The following CFAP54 variants were observed in gnomAD, a reference collection of about 807,000 sequenced individuals.
The protein encoded by CFAP54 is cilia and flagella associated protein 54.
In CFAP54, 290 loss-of-function variants were observed where a neutral mutation model predicts 370.4. The ratio of observed to expected loss-of-function variants is 0.78; its 90% confidence interval spans 0.71 to 0.86. The LOEUF is 0.86. CFAP54 is among the 40% of genes least tolerant of loss of function. CFAP54 has a pLI of 0.00. For synonymous variants in CFAP54, 1,206 were observed against 1,236.5 expected (o/e 0.98, Z 0.52); for missense variants, 3,399 against 3,528.7 (o/e 0.96, Z 0.93).
chr12:96,499,023 G>C (rs1357355835), intron 1 of CFAP54, among the ~76,000 whole-genome samples: 2 of 151,864 alleles, frequency 1.3e-5, no homozygotes, highest in African/African-American at 4.8e-5. Flanking sequence ...CTTTTGCCCA[G>C]GCTGGAGTGC....
intron 50 of CFAP54, among the ~76,000 whole-genome samples, chr12:96,724,882 C>A (rs1038101385): frequency 3.3e-5 from 5 of 152,192 alleles, no homozygotes; most frequent in African/African-American, 4.8e-5. Context: ...CCAGTTTCAG[C>A]TTTCTCCATA....
intron 62 of CFAP54, among the ~76,000 whole-genome samples, chr12:96,787,168 C>G (rs1319430355): frequency 6.6e-6 from 1 of 152,186 alleles, no homozygotes; most frequent in African/African-American, 2.4e-5. Context: ...AACAGCATCT[C>G]TCAAGCAACC....
At chr12:96,810,991 G>A (rs546921502) in intron 63 of CFAP54, among the ~76,000 whole-genome samples, 3 of 152,224 alleles carry the variant, frequency 2.0e-5, no homozygotes, top group Admixed American at 6.5e-5. Context: ...TTGGTTCTGA[G>A]GTAGTTTCTA....
intron 3 of CFAP54, among the ~76,000 whole-genome samples, chr12:96,504,579 A>G (rs963547433): frequency 6.6e-6 from 1 of 152,200 alleles, no homozygotes; most frequent in Non-Finnish European, 1.5e-5. Context: ...AAGTCCTAAG[A>G]GGTGCCTCTT....
intron 66 of CFAP54, among the ~76,000 whole-genome samples, chr12:96,850,638 T>C (rs561775847): frequency 2.6e-5 from 4 of 152,272 alleles, no homozygotes; most frequent in Admixed American, 2.0e-4. Flanking sequence ...GGTGTGTATA[T>C]TAGTTCATTC....
chr12:96,640,427 G>T (rs1450338271), intron 32 of CFAP54, among the ~76,000 whole-genome samples: 1 of 152,156 alleles, frequency 6.6e-6, no homozygotes, highest in African/African-American at 2.4e-5. Context: ...AATAAAAGAG[G>T]ATAAAAACCA....
At chr12:96,678,066 A>C (rs1269390300) in intron 39 of CFAP54, among the ~76,000 whole-genome samples, 2 of 152,250 alleles carry the variant, frequency 1.3e-5, no homozygotes, top group East Asian at 3.9e-4. Context: ...TGGGGAAGGC[A>C]CTGGACTTGA....
At chr12:96,724,465 A>T (rs1336025598) in intron 50 of CFAP54, among the ~76,000 whole-genome samples, 1 of 152,194 alleles carries the variant, frequency 6.6e-6, no homozygotes, top group Non-Finnish European at 1.5e-5. Context: ...TTGGCTGCAT[A>T]AATGTCTTCT....
chr12:96,615,478 A>G (rs1592885197), intron 26 of CFAP54, among the ~76,000 whole-genome samples: 1 of 152,210 alleles, frequency 6.6e-6, no homozygotes, highest in Non-Finnish European at 1.5e-5. Flanking sequence ...TAAAACACCA[A>G]TAGCAATGGC....
intron 63 of CFAP54, among the ~76,000 whole-genome samples, chr12:96,798,430 A>G (rs1421242980): frequency 1.3e-5 from 2 of 151,698 alleles, no homozygotes; most frequent in Admixed American, 6.6e-5. Flanking sequence ...TCAAAACCTC[A>G]TCTACTCATT....
At chr12:96,645,123 C>T (rs771774230) in intron 33 of CFAP54, 3 of 456,356 alleles carry the variant, frequency 6.6e-6, no homozygotes, top group Non-Finnish European at 1.3e-5. Flanking sequence ...CATATTTACT[C>T]ACCCAATGTC....
At chr12:96,860,061 C>CT (rs1959834410) in intron 66 of CFAP54, among the ~76,000 whole-genome samples, 1 of 150,428 alleles carries the variant, frequency 6.6e-6, no homozygotes, top group African/African-American at 2.4e-5. Flanking sequence ...GTTCATTATG[C>CT]TTTTTTAAGA....
At chr12:96,772,983 T>C (rs924665955) in intron 60 of CFAP54, among the ~76,000 whole-genome samples, 1 of 149,776 alleles carries the variant, frequency 6.7e-6, no homozygotes, top group African/African-American at 2.5e-5. Context: ...GACATGAACA[T>C]CTTTAGGGGA....
intron 48 of CFAP54, among the ~76,000 whole-genome samples, chr12:96,711,356 TTCTGTTC>T (rs1957611567): frequency 6.6e-6 from 1 of 152,196 alleles, no homozygotes; most frequent in African/African-American, 2.4e-5. Flanking sequence ...CTACTTTTTC[TTCTGTTC>T]TCTGTTTTAT....
chr12:96,507,603 A>G lies in CFAP54; in HGVS notation c.739+504A>G, dbSNP rs541903375. On this transcript the variant is annotated intron_variant, in intron 4 of 67. Transcript: ENST00000524981. ...CATTATGTGTATGTCTGAAGAAATG[A>G]CTCTCAGCTAAAAAATGTAATACTT... 1.1e-4 allele frequency among the ~76,000 whole-genome samples: 17 copies of G among 151,976 alleles called. No homozygotes were observed. The East Asian group carries it at 3.3e-3, about 29-fold the overall frequency.
At chr12:96,706,110 T>C (rs1273720931) in intron 47 of CFAP54, among the ~76,000 whole-genome samples, 2 of 152,102 alleles carry the variant, frequency 1.3e-5, no homozygotes, top group Non-Finnish European at 2.9e-5. Flanking sequence ...CAATCAACAT[T>C]AGTCAATCAA....
chr12:96,681,895 G>A (rs1443239558), intron 40 of CFAP54, among the ~76,000 whole-genome samples: 1 of 151,888 alleles, frequency 6.6e-6, no homozygotes, highest in East Asian at 1.9e-4. Flanking sequence ...CATTGTGCCC[G>A]GCCCCTCTGT....
At chr12:96,782,441 T>C (rs1434032113) in intron 60 of CFAP54, among the ~76,000 whole-genome samples, 9 of 152,156 alleles carry the variant, frequency 5.9e-5, no homozygotes. Context: ...ATAAAAATAT[T>C]TAGCAAGGTT....
At chr12:96,855,206 T>A (rs1303900701) in intron 66 of CFAP54, among the ~76,000 whole-genome samples, 1 of 152,138 alleles carries the variant, frequency 6.6e-6, no homozygotes, top group Non-Finnish European at 1.5e-5. Flanking sequence ...ACCAGGTCCC[T>A]CTCATGACAC....
Sources: allele counts gnomAD v4.1 joint callset (sites outside exome capture counted in the v4.1 genomes callset), GRCh38; gene constraint gnomAD v4.1.1; transcripts MANE v1.5; gene names NCBI Gene and HGNC (gene_info 2026-07-23, HGNC 2026-07-21).